Variants in SLC24A2 observed in about 807,000 individuals in gnomAD.
SLC24A2 encodes solute carrier family 24 member 2, also known as sodium/potassium/calcium exchanger 2.
SLC24A2 carries 36 observed loss-of-function variants against 62.0 expected under a neutral mutation model. That is an observed-to-expected ratio of 0.58 (90% confidence interval 0.44 to 0.77). SLC24A2 has a LOEUF of 0.77. Ranked by LOEUF, SLC24A2 falls within the 30% of genes least tolerant of loss-of-function variation. SLC24A2 has a pLI of 0.00. For synonymous variants in SLC24A2, 358 were observed against 294.0 expected, an observed-to-expected ratio of 1.22 and a Z score of -2.23; for missense variants, 846 against 817.9, an observed-to-expected ratio of 1.03 and a Z score of -0.42.
At chr9:20,187,278 A>G in the SLC24A2 span, among the ~76,000 whole-genome samples, 1 of 152,342 alleles carries the variant, frequency 6.6e-6, no homozygotes, top group South Asian at 2.1e-4. Flanking sequence ...TTTAAAAACA[A>G]AGTTTTTTTT....
chr9:20,288,688 G>A, the SLC24A2 span, among the ~76,000 whole-genome samples: 6 of 151,186 alleles, frequency 4.0e-5, no homozygotes, highest in Non-Finnish European at 8.8e-5. Context: ...AACCTGGAAG[G>A]CGGAGGTTGC....
chr9:20,269,098 G>T, the SLC24A2 span, among the ~76,000 whole-genome samples: 1 of 152,148 alleles, frequency 6.6e-6, no homozygotes, highest in South Asian at 2.1e-4. Flanking sequence ...GATTTCAGGG[G>T]GTGGGGAGTT....
chr9:19,647,016 A>C (rs1818655041), intron 2 of SLC24A2, among the ~76,000 whole-genome samples: 1 of 151,390 alleles, frequency 6.6e-6, no homozygotes. Flanking sequence ...AGATTTTCCC[A>C]GATAAAATTA....
chr9:20,006,137 AAT>A, the SLC24A2 span, among the ~76,000 whole-genome samples: 1 of 151,628 alleles, frequency 6.6e-6, no homozygotes, highest in East Asian at 1.9e-4. Context: ...ATTAATCAAG[AAT>A]ATATTTTATA....
the SLC24A2 span, among the ~76,000 whole-genome samples, chr9:19,878,496 T>C: frequency 1.4e-3 from 215 of 152,286 alleles, 6 homozygotes; most frequent in South Asian, 0.044. Context: ...ATCTTTTATA[T>C]GGTTTAGATT....
chr9:20,050,311 G>C, the SLC24A2 span, among the ~76,000 whole-genome samples: 1 of 151,782 alleles, frequency 6.6e-6, no homozygotes, highest in East Asian at 1.9e-4. Context: ...AGCTACCTGG[G>C]AGGCTGAAGC....
At chr9:19,965,116 C>T in the SLC24A2 span, among the ~76,000 whole-genome samples, 11 of 152,044 alleles carry the variant, frequency 7.2e-5, no homozygotes, top group Admixed American at 3.3e-4. Context: ...GCGTTGGAGG[C>T]AGAGGGAATA....
chr9:19,774,855 C>T (rs1186991222), intron 2 of SLC24A2, among the ~76,000 whole-genome samples: 6 of 152,176 alleles, frequency 3.9e-5, no homozygotes, highest in Admixed American at 1.3e-4. Context: ...ATAAGTTCAG[C>T]GATTCATGAC....
At chr9:20,290,563 A>T in the SLC24A2 span, among the ~76,000 whole-genome samples, 1 of 152,238 alleles carries the variant, frequency 6.6e-6, no homozygotes, top group Admixed American at 6.5e-5. Context: ...GAGAAAGCTT[A>T]GCGCTTTAGC....
the SLC24A2 span, among the ~76,000 whole-genome samples, chr9:20,149,909 G>T: frequency 6.6e-6 from 1 of 151,956 alleles, no homozygotes; most frequent in African/African-American, 2.4e-5. Context: ...GGCCAGTCAC[G>T]GGTGATAGTC....
At chr9:19,777,737 G>A (rs1013955621) in intron 2 of SLC24A2, among the ~76,000 whole-genome samples, 2 of 152,046 alleles carry the variant, frequency 1.3e-5, no homozygotes, top group Non-Finnish European at 2.9e-5. Context: ...ATGTGTATAT[G>A]TATGTGTATA....
chr9:20,035,005 A>C, the SLC24A2 span, among the ~76,000 whole-genome samples: 1 of 152,192 alleles, frequency 6.6e-6, no homozygotes, highest in Non-Finnish European at 1.5e-5. Context: ...TATAGTTAAA[A>C]TGTGCTGTAT....
At chr9:19,520,472 G>C (rs1022483917) in intron 10 of SLC24A2, among the ~76,000 whole-genome samples, 2 of 152,188 alleles carry the variant, frequency 1.3e-5, no homozygotes, top group African/African-American at 4.8e-5. Flanking sequence ...AAGGAAACAG[G>C]ATATGTATGG....
chr9:20,065,772 T>C, the SLC24A2 span, among the ~76,000 whole-genome samples: 3 of 152,198 alleles, frequency 2.0e-5, no homozygotes, highest in Non-Finnish European at 4.4e-5. Context: ...TGAACCCCTG[T>C]TCCTTTTTAT....
chr9:19,776,120 T>C (rs1408293815), intron 2 of SLC24A2, among the ~76,000 whole-genome samples: 2 of 152,150 alleles, frequency 1.3e-5, no homozygotes, highest in African/African-American at 2.4e-5. Context: ...GGGTTGAGAG[T>C]AAAATATATT....
At position 19,510,434 on chromosome 9, in the gene SLC24A2, C is replaced by CT. The variant is rs1832673710; in HGVS notation, c.*5718_*5719insA. On this transcript the variant is annotated 3_prime_UTR_variant, in exon 11 of 11. Transcript: ENST00000341998. ...AGTGCCCAGATGCAGTTACTTTTTG[C>CT]CAAAAAAAAAAAAAAAAAAAAAAAA... 2.5e-5 allele frequency: 1 copy of CT among 40,374 alleles called. No individual in the cohort carries two copies. The highest frequency in any genetic ancestry group is 1.2e-4 in the African/African-American group (1 of 8,168). 2.5% of individuals were successfully genotyped at this position (40,374 alleles called of 1,614,324 possible). A position where few individuals can be genotyped will look rare whatever the true frequency, so the allele number is the denominator to read the frequency against.
intron 2 of SLC24A2, among the ~76,000 whole-genome samples, chr9:19,780,453 A>G (rs1298431912): frequency 2.0e-5 from 3 of 151,366 alleles, no homozygotes; most frequent in Non-Finnish European, 2.9e-5. Context: ...TCTTTAGTAG[A>G]GACGGGGTTT....
At chr9:19,658,837 TC>T (rs1819013112) in intron 2 of SLC24A2, among the ~76,000 whole-genome samples, 2 of 152,120 alleles carry the variant, frequency 1.3e-5, no homozygotes, top group Non-Finnish European at 2.9e-5. Flanking sequence ...CTGGTTTCTC[TC>T]CCCAAGGCCA....
chr9:19,955,722 A>T, the SLC24A2 span, among the ~76,000 whole-genome samples: 1 of 152,174 alleles, frequency 6.6e-6, no homozygotes, highest in African/African-American at 2.4e-5. Flanking sequence ...GAAAAATTCT[A>T]ATTTCCTCCA....
Sources: allele counts gnomAD v4.1 joint callset (sites outside exome capture counted in the v4.1 genomes callset), GRCh38; gene constraint gnomAD v4.1.1; transcripts MANE v1.5; gene names NCBI Gene and HGNC (gene_info 2026-07-23, HGNC 2026-07-21).